DHTKD1: variants seen among roughly 807,000 people sequenced by gnomAD.
The protein encoded by DHTKD1 is dehydrogenase E1 and transketolase domain containing 1.
A neutral mutation model predicts 101.8 loss-of-function variants in DHTKD1; 78 were observed. The observed-to-expected ratio is 0.77, with a 90% CI of 0.64 to 0.93. The LOEUF (loss-of-function observed/expected upper bound fraction) is 0.93, where lower values mean the gene tolerates loss of function less well. DHTKD1 is among the 40% of genes least tolerant of loss of function. The pLI, the probability that DHTKD1 is intolerant of heterozygous loss-of-function variation, is 0.00. For missense variants in DHTKD1, 1,223 were observed against 1,161.7 expected (o/e 1.05, Z -0.77); for synonymous variants, 462 against 450.3 (o/e 1.03, Z -0.33).
intron 6 of DHTKD1, among the ~76,000 whole-genome samples, chr10:12,093,482 T>C (rs1040742906): frequency 2.0e-5 from 3 of 152,206 alleles, no homozygotes; most frequent in Non-Finnish European, 4.4e-5. Flanking sequence ...TGTGCCAGGC[T>C]GAAATTGGTC....
chr10:12,087,525 T>G lies in DHTKD1; in HGVS notation c.523-10T>G, dbSNP rs374242507. The stretch of plus-strand genomic sequence containing the variant: ...TCCTGGCAGCTCACGTCTGACATGA[T>G]GTTCTGCAGGAGTTTGACCACTTTC... On this transcript the variant is annotated splice_polypyrimidine_tract_variant and intron_variant, in intron 3 of 16. Coordinates refer to ENST00000263035, the MANE Select transcript of DHTKD1 (RefSeq NM_018706.7). This position sits in a 1 kb window ranked among gnomAD's most constrained non-coding sequence, Gnocchi z 5.2. 12 of 1,580,842 alleles carry G rather than the reference T, an allele frequency of 7.6e-6. No homozygotes were observed. In the South Asian group the frequency reaches 1.2e-4, roughly 15 times the overall value.
chr10:12,086,574 C>T lies in DHTKD1; in HGVS notation c.523-961C>T, dbSNP rs181482013. ...TCCTGACCTCATGATCTGCCCACCTCGGCCTCCCAAAGTGCTGGGATTAAG... is the reference window on the plus strand; with the variant it reads ...TCCTGACCTCATGATCTGCCCACCTTGGCCTCCCAAAGTGCTGGGATTAAG... On this transcript the variant is annotated intron_variant, in intron 3 of 16. Transcript: ENST00000263035. 1.1e-4 allele frequency among the ~76,000 whole-genome samples: 16 copies of T among 152,138 alleles called. No homozygotes were observed. The East Asian group carries it at 2.5e-3, about 24-fold the overall frequency.
chr10:12,080,918 T>G (rs981921890), intron 1 of DHTKD1, among the ~76,000 whole-genome samples: 8 of 150,220 alleles, frequency 5.3e-5, no homozygotes, highest in African/African-American at 2.0e-4. Flanking sequence ...AAAAAAAAAA[T>G]TAGCCAGATG....
intron 9 of DHTKD1, 116 bp from the exon 10 acceptor site, chr10:12,100,926 C>A: frequency 9.8e-7 from 1 of 1,018,412 alleles, no homozygotes; most frequent in Non-Finnish European, 1.5e-6. Context: ...TAATAACTAT[C>A]TGTTATCCTA....
intron 2 of DHTKD1, among the ~76,000 whole-genome samples, chr10:12,082,053 G>A (rs1327588073): frequency 1.3e-5 from 2 of 151,942 alleles, no homozygotes; most frequent in African/African-American, 4.8e-5. Flanking sequence ...CTTGAACCTG[G>A]GAGGTCAAGG....
intron 13 of DHTKD1, among the ~76,000 whole-genome samples, chr10:12,117,196 G>C (rs940331747): frequency 1.3e-5 from 2 of 151,754 alleles, no homozygotes; most frequent in Non-Finnish European, 2.9e-5. Flanking sequence ...TTTTTGTAGA[G>C]ATGGGATTTC....
At chr10:12,091,411 CAAAAAAA>C in intron 5 of DHTKD1, 95 bp from the exon 6 acceptor site, 3 of 189,912 alleles carry the variant, frequency 1.6e-5, no homozygotes, top group South Asian at 8.1e-5. Context: ...GACTCTGTCT[CAAAAAAA>C]AAAAAAAAAA....
chr10:12,078,385 G>A (rs535572339), intron 1 of DHTKD1, among the ~76,000 whole-genome samples: 8 of 151,652 alleles, frequency 5.3e-5, no homozygotes, highest in South Asian at 2.1e-4. Context: ...TGATCGTGCC[G>A]CTGCACTCCA....
At position 12,121,128 on chromosome 10, in the gene DHTKD1, G is replaced by A. The variant is rs1410086812; in HGVS notation, c.*240G>A. 1 of 382,416 alleles carries A rather than the reference G, an allele frequency of 2.6e-6. No individual in the cohort carries two copies. Among genetic ancestry groups the A allele is most frequent in the Admixed American group, 3.7e-5 (1 of 26,948 alleles). 23.7% of individuals were successfully genotyped at this position (382,416 alleles called of 1,614,324 possible). On this transcript the variant is annotated 3_prime_UTR_variant, in exon 17 of 17. Coordinates refer to ENST00000263035, the MANE Select transcript of DHTKD1 (RefSeq NM_018706.7). ...CCAGCTTCCTGGGAGGCTGAGGCAA[G>A]AGAATCGCTTGAATCTGGGAGGCGG...
intron 1 of DHTKD1, among the ~76,000 whole-genome samples, chr10:12,078,347 C>T (rs945788070): frequency 1.3e-5 from 2 of 152,030 alleles, no homozygotes; most frequent in African/African-American, 2.4e-5. Context: ...ATTGCCTGAA[C>T]CTGGGAAACA....
In DHTKD1 at chr10:12,117,846, ATCTCCCCTCTCC is replaced by A. The variant is rs34396265; in HGVS notation, c.2402+93_2402+104del. On this transcript the variant is annotated intron_variant, in intron 14 of 16. Coordinates refer to ENST00000263035, the MANE Select transcript of DHTKD1 (RefSeq NM_018706.7). Reference sequence around the variant, plus strand: ...CATTAAGAGATCACAGGTGATGCAGATCTCCCCTCTCCTATTTTTATTTATTTATTTATTTAT... The same window carrying A: ...CATTAAGAGATCACAGGTGATGCAGATATTTTTATTTATTTATTTATTTAT... 0.83 allele frequency: 314,157 copies of A among 380,668 alleles called. 148,014 individuals are homozygous for A. The highest frequency in any genetic ancestry group is 0.88 in the Non-Finnish European group (180,632 of 204,642). The allele number at this position is 380,668 out of a possible 1,614,324, so 23.6% of individuals were successfully genotyped here. A position where few individuals can be genotyped will look rare whatever the true frequency, so the allele number is the denominator to read the frequency against.
intron 7 of DHTKD1, among the ~76,000 whole-genome samples, chr10:12,097,148 G>A (rs1418531883): frequency 6.6e-6 from 1 of 152,118 alleles, no homozygotes; most frequent in Non-Finnish European, 1.5e-5. Flanking sequence ...AAAATTGGCT[G>A]TCTTAATGCG....
intron 1 of DHTKD1, among the ~76,000 whole-genome samples, chr10:12,079,519 T>G (rs953942817): frequency 5.3e-5 from 8 of 151,742 alleles, no homozygotes; most frequent in African/African-American, 1.9e-4. Context: ...ATACAAAAAA[T>G]AAGCTGGGTA....
intron 13 of DHTKD1, among the ~76,000 whole-genome samples, chr10:12,114,353 G>A (rs1453492640): frequency 6.6e-6 from 1 of 151,180 alleles, no homozygotes; most frequent in Non-Finnish European, 1.5e-5. Flanking sequence ...CTGGATTGCA[G>A]TGGTGCTGTC....
At chr10:12,076,362 G>C (rs1025384890) in intron 1 of DHTKD1, among the ~76,000 whole-genome samples, 1 of 152,322 alleles carries the variant, frequency 6.6e-6, no homozygotes, top group East Asian at 1.9e-4. Flanking sequence ...TGTAGTCCCA[G>C]CTACTTGGGA....
chr10:12,104,993 G>C (rs1360915745), intron 10 of DHTKD1, among the ~76,000 whole-genome samples: 1 of 151,774 alleles, frequency 6.6e-6, no homozygotes, highest in Non-Finnish European at 1.5e-5. Flanking sequence ...TCCCACCTCA[G>C]CCTCTTGAGG....
At position 12,105,143 on chromosome 10, in the gene DHTKD1, A is replaced by T. The variant is rs77689530; in HGVS notation, c.1897-1103A>T. 8.5e-3 allele frequency among the ~76,000 whole-genome samples: 1,293 copies of T among 152,098 alleles called. 6 individuals are homozygous for T. The highest frequency in any genetic ancestry group is 0.014 in the Non-Finnish European group (931 of 67,998). ...CCAAAGTGCTGGGATTATGTTTTGC[A>T]TTTAATTGTAATGTCTTTTTAACCT... On this transcript the variant is annotated intron_variant, in intron 10 of 16. Coordinates refer to ENST00000263035, the MANE Select transcript of DHTKD1 (RefSeq NM_018706.7).
intron 12 of DHTKD1, among the ~76,000 whole-genome samples, chr10:12,111,476 G>T (rs1267666786): frequency 6.6e-6 from 1 of 152,154 alleles, no homozygotes; most frequent in Admixed American, 6.6e-5. Context: ...TTTGTTTTGT[G>T]TTAAAGGTAG....
chr10:12,069,137 C>T lies in DHTKD1; in HGVS notation c.104C>T (p.Pro35Leu), dbSNP rs753355529. Residue 35 changes from proline to leucine, a missense_variant, in exon 1 of 17, where the codon CCG becomes CTG. Coordinates refer to ENST00000263035, the MANE Select transcript of DHTKD1 (RefSeq NM_018706.7). Reference protein sequence around the residue: ...QTERGVYGYRPRKPESREPQG... With the variant: ...QTERGVYGYRLRKPESREPQG... ...GAGCGGGGCGTTTACGGCTACCGGC[C>T]GAGGAAGCCCGAGAGCCGCGAGCCC... is the stretch of plus-strand genomic sequence containing the variant. 60 of 1,581,580 alleles carry T rather than the reference C, an allele frequency of 3.8e-5. No homozygotes were observed. Among genetic ancestry groups the T allele is most frequent in the Non-Finnish European group, 4.6e-5 (54 of 1,166,244 alleles).
Sources: allele counts gnomAD v4.1 joint callset (sites outside exome capture counted in the v4.1 genomes callset), GRCh38; gene constraint gnomAD v4.1.1; non-coding constraint Gnocchi (gnomAD v3.1); transcripts MANE v1.5; gene names NCBI Gene and HGNC (gene_info 2026-07-23, HGNC 2026-07-21).